Variants in CCDC7 observed in about 807,000 individuals in gnomAD.
The protein encoded by CCDC7 is coiled-coil domain-containing protein 7.
In CCDC7, 183 loss-of-function variants were observed where a neutral mutation model predicts 196.9. The ratio of observed to expected loss-of-function variants is 0.93; its 90% CI spans 0.82 to 1.05. CCDC7 has a LOEUF of 1.05. Among genes scored for constraint, CCDC7 ranks in the 50% least tolerant of loss-of-function variants. The pLI, the probability that CCDC7 is intolerant of heterozygous loss-of-function variation, is 0.00. For missense variants in CCDC7, 1,540 were observed against 1,482.2 expected, an observed-to-expected ratio of 1.04 and a Z score of -0.64; for synonymous variants, 525 against 484.6, an observed-to-expected ratio of 1.08 and a Z score of -1.10.
At chr10:32,529,384 C>A (rs1274697056) in intron 11 of CCDC7, among the ~76,000 whole-genome samples, 1 of 152,188 alleles carries the variant, frequency 6.6e-6, no homozygotes, top group Non-Finnish European at 1.5e-5. Context: ...TTTACATTCC[C>A]ACCAGTAGTG....
chr10:32,645,956 CAA>C (rs1244509411), intron 20 of CCDC7, among the ~76,000 whole-genome samples: 10 of 151,830 alleles, frequency 6.6e-5, no homozygotes, highest in African/African-American at 1.9e-4. Flanking sequence ...AAAGGTTTGT[CAA>C]GTTTGTTTAT....
intron 8 of CCDC7, among the ~76,000 whole-genome samples, chr10:32,478,944 G>C (rs1052067387): frequency 1.8e-4 from 27 of 152,056 alleles, no homozygotes; most frequent in Non-Finnish European, 1.5e-5. Context: ...AGTACCTGCT[G>C]TTTTGGAAGG....
intron 18 of CCDC7, among the ~76,000 whole-genome samples, chr10:32,609,195 A>G (rs990846626): frequency 6.6e-6 from 1 of 152,110 alleles, no homozygotes; most frequent in Non-Finnish European, 1.5e-5. Flanking sequence ...GACCTGTCCA[A>G]TGCTGCTGTG....
intron 13 of CCDC7, among the ~76,000 whole-genome samples, chr10:32,555,763 A>G (rs185450091): frequency 4.5e-4 from 68 of 152,332 alleles, no homozygotes; most frequent in Non-Finnish European, 8.5e-4. Context: ...CTTTTCCTAA[A>G]TAACAAATTA....
At chr10:32,444,213 C>T (rs757529081), upstream of CCDC7, among the ~76,000 whole-genome samples, 2 of 152,150 alleles carry the variant, frequency 1.3e-5, no homozygotes, top group Non-Finnish European at 2.9e-5. Flanking sequence ...ATGATGTTAG[C>T]TGGAGATAGT....
At chr10:32,486,702 C>G (rs1383926617) in intron 8 of CCDC7, among the ~76,000 whole-genome samples, 1 of 126,214 alleles carries the variant, frequency 7.9e-6, no homozygotes, top group Non-Finnish European at 1.7e-5. Context: ...GACAAAATCT[C>G]TCAGCATTTG....
rs1564374634 is a variant in CCDC7, at chr10:32,471,206, TGAAA to T, written c.655_658del (p.Lys219SerfsTer16). 6.2e-7 allele frequency: 1 copy of T among 1,608,900 alleles called. No homozygotes were observed. Among genetic ancestry groups the T allele is most frequent in the Admixed American group, 1.7e-5 (1 of 58,656 alleles). On this transcript the variant is annotated frameshift_variant, in exon 6 of 42. Coordinates refer to ENST00000639629, the Ensembl canonical transcript of CCDC7. LOFTEE classifies it high-confidence loss of function. ...CTTAAACAGAGGTCTAAATCCTCCG[TGAAA>T]GTCATGTTGTCTAAAACTATGTAAG...
At chr10:32,479,701 G>A (rs948753551) in intron 8 of CCDC7, among the ~76,000 whole-genome samples, 3 of 152,056 alleles carry the variant, frequency 2.0e-5, no homozygotes, top group African/African-American at 7.2e-5. Context: ...TTTGGTATTA[G>A]GGTAATACTA....
At chr10:32,862,573 C>T (rs2094042434) in intron 41 of CCDC7, among the ~76,000 whole-genome samples, 1 of 151,168 alleles carries the variant, frequency 6.6e-6, no homozygotes, top group Non-Finnish European at 1.5e-5. Flanking sequence ...AAAAAAAACC[C>T]ACAGCTAACA....
At chr10:32,803,782 T>C (rs1238024368) in intron 29 of CCDC7, among the ~76,000 whole-genome samples, 3 of 152,182 alleles carry the variant, frequency 2.0e-5, no homozygotes, top group African/African-American at 7.2e-5. Flanking sequence ...TTTTGTTGTC[T>C]TCTAATTGTT....
intron 41 of CCDC7, among the ~76,000 whole-genome samples, chr10:32,854,833 A>G (rs2093689726): frequency 6.6e-6 from 1 of 152,178 alleles, no homozygotes; most frequent in African/African-American, 2.4e-5. Context: ...ACAGAATAAC[A>G]TTTTATCATC....
At chr10:32,529,377 A>G (rs192181959) in intron 11 of CCDC7, among the ~76,000 whole-genome samples, 5 of 152,302 alleles carry the variant, frequency 3.3e-5, no homozygotes, top group Admixed American at 2.0e-4. Flanking sequence ...GTACTAGTTT[A>G]CATTCCCACC....
chr10:32,713,340 T>C (rs1423655328), intron 25 of CCDC7, among the ~76,000 whole-genome samples: 1 of 152,204 alleles, frequency 6.6e-6, no homozygotes, highest in Non-Finnish European at 1.5e-5. Flanking sequence ...GCCCAAGAAA[T>C]GTCATTTTTT....
intron 28 of CCDC7, among the ~76,000 whole-genome samples, chr10:32,736,546 C>A (rs1037889278): frequency 4.6e-5 from 7 of 152,050 alleles, no homozygotes; most frequent in African/African-American, 1.7e-4. Context: ...CCCGCTCCCC[C>A]CACCCCACAA....
chr10:32,854,414 G>C, exon 41 of CCDC7: 3 of 1,602,956 alleles, frequency 1.9e-6, no homozygotes, highest in Non-Finnish European at 2.6e-6. Flanking sequence ...TTCGAAAGTT[G>C]TTACCTTAAG....
At chr10:32,652,748 G>A (rs553026385) in intron 20 of CCDC7, among the ~76,000 whole-genome samples, 2 of 152,022 alleles carry the variant, frequency 1.3e-5, no homozygotes, top group Non-Finnish European at 1.5e-5. Context: ...CTATATTTTT[G>A]TACTGCCTAA....
intron 32 of CCDC7, among the ~76,000 whole-genome samples, chr10:32,828,543 GAAGAAGAAGAAGAAGA>G (rs1231930506): frequency 2.4e-4 from 36 of 147,406 alleles, no homozygotes; most frequent in Non-Finnish European, 3.9e-4. Flanking sequence ...AGAAGAAGAA[GAAGAAGAAGAAGAAGA>G]AAGAAGAAGA....
rs202020474 is a variant in CCDC7, at chr10:32,782,237, T to G, written c.3013+3153T>G. 5.2e-3 allele frequency among the ~76,000 whole-genome samples: 712 copies of G among 136,224 alleles called. 2 individuals carry two copies. The highest frequency in any genetic ancestry group is 7.9e-3 in the Non-Finnish European group (487 of 61,410). 89.4% of individuals were successfully genotyped at this position (136,224 alleles called of 152,430 possible). ...TAACTTGTTTTTTTTTTGTTTTTTTTGGTTTTTTTTTGAGATTGAGTCTTC... is the reference window on the plus strand; with the variant it reads ...TAACTTGTTTTTTTTTTGTTTTTTTGGGTTTTTTTTTGAGATTGAGTCTTC... On this transcript the variant is annotated intron_variant, in intron 29 of 41. Transcript: ENST00000639629.
chr10:32,835,322 C>G (rs992882380), intron 33 of CCDC7, among the ~76,000 whole-genome samples: 1 of 152,036 alleles, frequency 6.6e-6, no homozygotes, highest in African/African-American at 2.4e-5. Flanking sequence ...AATCTGTGTG[C>G]TCATGTGTTA....
Sources: gnomAD v4.1 joint callset for allele counts (sites outside exome capture counted in the v4.1 genomes callset) on GRCh38, gnomAD v4.1.1 for gene constraint, MANE v1.5 for transcripts, NCBI Gene and HGNC (gene_info 2026-07-23, HGNC 2026-07-21) for gene names.